AFDN: variants seen among roughly 807,000 people sequenced by gnomAD.
AFDN encodes afadin, adherens junction formation factor.
Under a neutral mutation model 216.6 loss-of-function variants are expected in AFDN, and 68 were observed. The observed-to-expected ratio is 0.31, with a 90% CI of 0.26 to 0.38. AFDN has a LOEUF of 0.38. AFDN is among the 10% of genes least tolerant of loss of function. The probability of loss-of-function intolerance (pLI) is 1.00; values close to 1 mark genes in which losing one functional copy is unlikely to be tolerated. For synonymous variants in AFDN, 868 were observed against 853.7 expected, an observed-to-expected ratio of 1.02 and a Z score of -0.29; for missense variants, 2,136 against 2,342.0, an observed-to-expected ratio of 0.91 and a Z score of 1.82.
In AFDN at chr6:167,911,073, T is replaced by TAA. The variant is rs1304282206; in HGVS notation, c.1770-28_1770-27insAA. ...ATATTGTTAGCCATGTGACCTTATT[T>TAA]TAAGTGATGTCAGCTTTCTTCTTTT... is the stretch of plus-strand genomic sequence containing the variant. On this transcript the variant is annotated intron_variant, in intron 13 of 33. Transcript: ENST00000683244. The TAA allele has an allele frequency of 5.6e-6, 9 of 1,599,574 alleles. No homozygotes were observed. In the Admixed American group the frequency reaches 1.6e-4, roughly 28 times the overall value.
intron 12 of AFDN, among the ~76,000 whole-genome samples, chr6:167,906,439 T>G (rs1789701433): frequency 1.3e-5 from 2 of 152,340 alleles, no homozygotes; most frequent in Admixed American, 1.3e-4. Flanking sequence ...ACATGATTTT[T>G]TATTTACTAC....
In AFDN at chr6:167,948,530, C is replaced by CT. The variant is rs752929202; in HGVS notation, c.3831+53dup. ...TTTCTCACCTCTCAAGGAGGACACA[C>CT]TGAGTTCTGAGACACAATTAATATT... is the stretch of plus-strand genomic sequence containing the variant. On this transcript the variant is annotated intron_variant, in intron 29 of 33. Coordinates refer to ENST00000683244, the MANE Select transcript of AFDN (RefSeq NM_001386888.1). 5 of 1,495,562 alleles carry CT rather than the reference C, an allele frequency of 3.3e-6. No individual in the cohort carries two copies. In the African/African-American group the frequency reaches 5.6e-5, roughly 17 times the overall value. 92.6% of individuals were successfully genotyped at this position (1,495,562 alleles called of 1,614,324 possible).
At chr6:167,938,166 C>T (rs975414409) in intron 23 of AFDN, among the ~76,000 whole-genome samples, 2 of 152,122 alleles carry the variant, frequency 1.3e-5, no homozygotes, top group Non-Finnish European at 2.9e-5. Flanking sequence ...GCAGGTGAGC[C>T]TCGGAGGTGA....
intron 13 of AFDN, among the ~76,000 whole-genome samples, chr6:167,910,401 C>T (rs1161839117): frequency 6.6e-6 from 1 of 152,178 alleles, no homozygotes; most frequent in Non-Finnish European, 1.5e-5. Flanking sequence ...AATAGATAAA[C>T]ATCAGCACAA....
chr6:167,962,167 T>G lies in AFDN; in HGVS notation c.4834-266T>G, dbSNP rs916789517. ...TGCTTGTTGAATGTGTGAATGTAGA[T>G]GATAAATTCCATCTTATAGCCATGA... is the stretch of plus-strand genomic sequence containing the variant. On this transcript the variant is annotated intron_variant, in intron 30 of 33. Coordinates refer to ENST00000683244, the MANE Select transcript of AFDN (RefSeq NM_001386888.1). The surrounding 1 kb of genome is among the most constrained non-coding windows in gnomAD (Gnocchi z 5.2). Among the ~76,000 whole-genome samples the G allele has an allele frequency of 2.6e-5, 4 of 152,254 alleles. No homozygotes were observed. Among genetic ancestry groups the G allele is most frequent in the African/African-American group, 4.8e-5 (2 of 41,466 alleles).
intron 2 of AFDN, among the ~76,000 whole-genome samples, chr6:167,869,810 A>G (rs1235400745): frequency 1.3e-5 from 2 of 152,244 alleles, no homozygotes; most frequent in Non-Finnish European, 2.9e-5. Context: ...ACTTTACATA[A>G]GAAAAGTGAT....
At position 167,911,911 on chromosome 6, in the gene AFDN, C is replaced by T. The variant is rs79352695; in HGVS notation, c.2037+422C>T. On this transcript the variant is annotated intron_variant, in intron 15 of 33. Coordinates refer to ENST00000683244, the MANE Select transcript of AFDN (RefSeq NM_001386888.1). ...CCAAAACGTCTCCATCACCTCAGAGCGATACCCCTCAAGTAGTTCCTGGGG... is the reference window on the plus strand; with the variant it reads ...CCAAAACGTCTCCATCACCTCAGAGTGATACCCCTCAAGTAGTTCCTGGGG... The T allele has an allele frequency of 2.2e-3, 457 of 203,328 alleles. 5 individuals carry two copies. The highest frequency in any genetic ancestry group is 9.5e-3 in the African/African-American group (410 of 43,154). 12.6% of individuals were successfully genotyped at this position (203,328 alleles called of 1,614,324 possible).
chr6:167,847,929 T>C (rs1237229506), intron 1 of AFDN, among the ~76,000 whole-genome samples: 1 of 152,192 alleles, frequency 6.6e-6, no homozygotes, highest in Non-Finnish European at 1.5e-5. Flanking sequence ...TTTTTCACTT[T>C]CTCATTCTGC....
chr6:167,954,429 T>G (rs1315905701), intron 30 of AFDN: 1 of 1,532,312 alleles, frequency 6.5e-7, no homozygotes, highest in Non-Finnish European at 8.7e-7. Flanking sequence ...TCATCTTTCT[T>G]TTTTTTTTTC....
chr6:167,964,391 A>G (rs1190772134), intron 31 of AFDN: 1 of 1,064,648 alleles, frequency 9.4e-7, no homozygotes, highest in Non-Finnish European at 1.1e-6. Flanking sequence ...GATTCTTGAT[A>G]GTTCCATTTA....
intron 8 of AFDN, 115 bp downstream of exon 8, chr6:167,891,144 G>T: frequency 3.6e-6 from 3 of 838,366 alleles, no homozygotes; most frequent in Non-Finnish European, 5.1e-6. Flanking sequence ...AACATTTTTA[G>T]CCATTTATTT....
At chr6:167,908,828 C>T (rs1272641159) in intron 13 of AFDN, among the ~76,000 whole-genome samples, 1 of 152,040 alleles carries the variant, frequency 6.6e-6, no homozygotes, top group Admixed American at 6.6e-5. Flanking sequence ...AACAGATGAG[C>T]CTTTCTGCTC....
At chr6:167,906,236 AG>A (rs1789670367) in intron 12 of AFDN, among the ~76,000 whole-genome samples, 1 of 152,224 alleles carries the variant, frequency 6.6e-6, no homozygotes, top group South Asian at 2.1e-4. Context: ...GGTTTAATGA[AG>A]TATGATGAAT....
chr6:167,876,096 T>C (rs1278710627), intron 5 of AFDN, among the ~76,000 whole-genome samples: 2 of 152,216 alleles, frequency 1.3e-5, no homozygotes, highest in Admixed American at 6.5e-5. Context: ...GAATGCATGG[T>C]CACTTGCTTC....
intron 4 of AFDN, among the ~76,000 whole-genome samples, chr6:167,873,221 A>G (rs1031008520): frequency 2.0e-5 from 3 of 152,224 alleles, no homozygotes; most frequent in South Asian, 2.1e-4. Context: ...CTGTCATCAC[A>G]TGAACCCAGA....
rs1795915155 is a variant in AFDN, at chr6:167,951,011, A to G, written c.3832-175A>G. Among the ~76,000 whole-genome samples the G allele has an allele frequency of 6.6e-6, 1 of 151,952 alleles. No homozygotes were observed. Among genetic ancestry groups the G allele is most frequent in the African/African-American group, 2.4e-5 (1 of 41,376 alleles). ...CACGCTTGGCCGCTTTTCCTTCTTT[A>G]CACAGATAAATGCACTGTTACTCCA... On this transcript the variant is annotated intron_variant, in intron 29 of 33. Transcript: ENST00000683244. This position sits in a 1 kb window ranked among gnomAD's most constrained non-coding sequence, Gnocchi z 7.1.
intron 6 of AFDN, among the ~76,000 whole-genome samples, chr6:167,885,976 G>C (rs1786749478): frequency 6.6e-6 from 1 of 152,206 alleles, no homozygotes; most frequent in Non-Finnish European, 1.5e-5. Context: ...GTGAGGGAAA[G>C]AGGGAGGAAA....
At chr6:167,852,661 A>T (rs1782451799) in intron 1 of AFDN, among the ~76,000 whole-genome samples, 1 of 152,258 alleles carries the variant, frequency 6.6e-6, no homozygotes, top group Admixed American at 6.5e-5. Context: ...TCTTTAAAAG[A>T]TATGTAGACA....
intron 12 of AFDN, among the ~76,000 whole-genome samples, chr6:167,906,174 T>C (rs1390698649): frequency 6.6e-6 from 1 of 152,216 alleles, no homozygotes; most frequent in Non-Finnish European, 1.5e-5. Context: ...ACAAGCATAA[T>C]TGTCTTGTCA....
Sources: gnomAD v4.1 joint callset for allele counts (sites outside exome capture counted in the v4.1 genomes callset) on GRCh38, gnomAD v4.1.1 for gene constraint, Gnocchi (gnomAD v3.1) non-coding constraint, MANE v1.5 for transcripts, NCBI Gene and HGNC (gene_info 2026-07-23, HGNC 2026-07-21) for gene names.